The following COL2A1 variants were observed in gnomAD, a reference collection of about 807,000 sequenced individuals.
COL2A1 encodes collagen type II alpha 1 chain, also known as collagen alpha-1(II) chain.
COL2A1 carries 28 observed loss-of-function variants against 204.5 expected under a neutral mutation model. The ratio of observed to expected loss-of-function variants is 0.14; its 90% confidence interval spans 0.10 to 0.19. The LOEUF (loss-of-function observed/expected upper bound fraction) is 0.19, where lower values mean the gene tolerates loss of function less well. COL2A1 is among the 10% of genes least tolerant of loss of function. COL2A1 has a pLI of 1.00. For synonymous variants in COL2A1, 708 were observed against 718.7 expected, an observed-to-expected ratio of 0.99 and a Z score of 0.24; for missense variants, 1,388 against 2,027.5, an observed-to-expected ratio of 0.68 and a Z score of 6.06.
chr12:48,005,245 G>T (rs3809324), upstream of COL2A1: 26,764 of 153,002 alleles, frequency 0.17, 2,790 homozygotes, highest in East Asian at 0.31. Flanking sequence ...GGTGTGGGGG[G>T]CAGGGGCAGG....
chr12:47,982,294 G>A (rs1939136271), intron 34 of COL2A1, 134 bp from the exon 35 acceptor site: 13 of 868,538 alleles, frequency 1.5e-5, no homozygotes, highest in Non-Finnish European at 2.5e-5. Context: ...TCTCAGGGTG[G>A]GTGAGGAGCA....
chr12:47,999,753 T>C, intron 2 of COL2A1, 166 bp downstream of exon 2: 1 of 629,186 alleles, frequency 1.6e-6, no homozygotes, highest in Non-Finnish European at 2.8e-6. Context: ...GTTCACTCAG[T>C]TTCAACCTGC....
chr12:47,992,873 C>T lies in COL2A1; in HGVS notation c.1023+5G>A. Reference sequence around the variant, plus strand: ...TGGTGGTGTTTGGCTTTGTCAATTACTCACCGCAGCGCCAGCAGGGCCAGT... The same window carrying T: ...TGGTGGTGTTTGGCTTTGTCAATTATTCACCGCAGCGCCAGCAGGGCCAGT... On this transcript the variant is annotated splice_donor_5th_base_variant and intron_variant, in intron 16 of 53. Coordinates refer to ENST00000380518, the MANE Select transcript of COL2A1 (RefSeq NM_001844.5). The T allele has an allele frequency of 6.2e-7, 1 of 1,614,168 alleles. No individual in the cohort carries two copies. The highest frequency in any genetic ancestry group is 8.5e-7 in the Non-Finnish European group (1 of 1,179,986).
In COL2A1 at chr12:47,976,963, A is replaced by C. The variant is rs1938741236; in HGVS notation, c.3328-44T>G. ...CCGATTGAGTCAGGTCAGGGCCAGG[A>C]CAGGAGCCCCCTCCTGTCCCACCCA... On this transcript the variant is annotated intron_variant, in intron 47 of 53. Transcript: ENST00000380518. The surrounding 1 kb of genome is among the most constrained non-coding windows in gnomAD (Gnocchi z 4.3). 1.3e-6 allele frequency: 2 copies of C among 1,554,008 alleles called. No individual in the cohort carries two copies. The highest frequency in any genetic ancestry group is 1.8e-6 in the Non-Finnish European group (2 of 1,140,802).
In COL2A1 at chr12:48,004,365, A is replaced by G. The variant is rs904417360; in HGVS notation, c.-44T>C. ...GCTGAGCCGGGCCCGGGCGGAGCGCAGCGAAACGGCAGGAGCACGGCGCGG... is the reference window on the plus strand; with the variant it reads ...GCTGAGCCGGGCCCGGGCGGAGCGCGGCGAAACGGCAGGAGCACGGCGCGG... On this transcript the variant is annotated 5_prime_UTR_variant, in exon 1 of 54. Coordinates refer to ENST00000380518, the MANE Select transcript of COL2A1 (RefSeq NM_001844.5). The G allele has an allele frequency of 8.7e-6, 11 of 1,270,548 alleles. No homozygotes were observed. The highest frequency in any genetic ancestry group is 1.2e-5 in the Non-Finnish European group (11 of 895,606). The allele number at this position is 1,270,548 out of a possible 1,614,324, so 78.7% of individuals were successfully genotyped here. A position where few individuals can be genotyped will look rare whatever the true frequency, so the allele number is the denominator to read the frequency against.
rs781045497 is a variant in COL2A1, at chr12:47,978,587, A to G, written c.2895+10T>C. ...CAGGGACCTTGGCATGGGCCTGGTG[A>G]GGGACTTACAGAGGGACCGTCATCT... On this transcript the variant is annotated intron_variant, in intron 42 of 53. Coordinates refer to ENST00000380518, the MANE Select transcript of COL2A1 (RefSeq NM_001844.5). The surrounding 1 kb of genome is among the most constrained non-coding windows in gnomAD (Gnocchi z 5.5). The G allele has an allele frequency of 2.5e-6, 4 of 1,613,436 alleles. No individual in the cohort carries two copies. In the Admixed American group the frequency reaches 6.7e-5, roughly 27 times the overall value.
Position 47,974,711 on chromosome 12 carries a change from G to A in COL2A1, c.4038C>T (p.His1346=). ...WWSSKSKEKK[H]IWFGETINGG... ...CATTGATGGTTTCTCCAAACCAGAT[G>A]TGTTTCTTCTCCTTGCTCTTGCTGC... is the stretch of plus-strand genomic sequence containing the variant. Residue 1346 remains histidine (H), a synonymous_variant, in exon 52 of 54, where the codon CAC becomes CAT. Coordinates refer to ENST00000380518, the MANE Select transcript of COL2A1 (RefSeq NM_001844.5). 6.2e-7 allele frequency: 1 copy of A among 1,614,234 alleles called. No homozygotes were observed. Among genetic ancestry groups the A allele is most frequent in the Non-Finnish European group, 8.5e-7 (1 of 1,180,042 alleles).
At chr12:48,002,289 C>T (rs919490117) in intron 1 of COL2A1, among the ~76,000 whole-genome samples, 5 of 152,148 alleles carry the variant, frequency 3.3e-5, no homozygotes, top group African/African-American at 1.2e-4. Context: ...GTCAAAGACG[C>T]CGCCGCCAGT....
intron 26 of COL2A1, 146 bp from the exon 27 acceptor site, chr12:47,985,239 G>A: frequency 1.4e-6 from 1 of 740,458 alleles, no homozygotes; most frequent in East Asian, 2.7e-5. Flanking sequence ...TCACACCCAT[G>A]GGCCCATCTA....
chr12:47,982,731 C>T, intron 33 of COL2A1, 117 bp downstream of exon 33: 2 of 1,261,404 alleles, frequency 1.6e-6, no homozygotes, highest in South Asian at 2.4e-5. Context: ...ATGTAGACCT[C>T]CTTTCCAGCT....
Position 47,979,457 on chromosome 12 carries a change from G to A in COL2A1, c.2733+54C>T. 15 of 1,587,192 alleles carry A rather than the reference G, an allele frequency of 9.5e-6. No individual in the cohort carries two copies. In the South Asian group the frequency reaches 1.5e-4, roughly 16 times the overall value. ...AGCTCTCCAGACCCTGTTGGGTGCT[G>A]GGCCAGGCTATTCCATGCCTGCCTG... On this transcript the variant is annotated intron_variant, in intron 41 of 53. Transcript: ENST00000380518.
At position 47,974,271 on chromosome 12, in the gene COL2A1, G is replaced by A. The variant is rs141951587; in HGVS notation, c.4135C>T (p.Arg1379Cys). 35 of 1,614,078 alleles carry A rather than the reference G, an allele frequency of 2.2e-5. No individual in the cohort carries two copies. Among genetic ancestry groups the A allele is most frequent in the South Asian group, 1.3e-4 (12 of 91,092 alleles). ...NTANVQMTFL[R>C]LLSTEGSQNI... Reference sequence around the variant, plus strand: ...TGGGAGCCTTCCGTGGACAGCAGGCGTAGGAAGGTCATCTGGACGTTGGCA... The same window carrying A: ...TGGGAGCCTTCCGTGGACAGCAGGCATAGGAAGGTCATCTGGACGTTGGCA... The change falls in exon 53 of 54, where the codon CGC (arginine) becomes TGC (cysteine). Residue 1379 changes from arginine to cysteine, a missense_variant. Physicochemically the swap from Arg to Cys is radical, Grantham distance 180. Coordinates refer to ENST00000380518, the MANE Select transcript of COL2A1 (RefSeq NM_001844.5).
rs1670480032 is a variant in COL2A1 at position 47,994,021 on chromosome 12, T to C, written c.843A>G (p.Pro281=). 6.2e-7 allele frequency: 1 copy of C among 1,614,118 alleles called. No homozygotes were observed. The highest frequency in any genetic ancestry group is 1.3e-5 in the African/African-American group (1 of 75,050). ...TGTGACCTTTGACACCAGGAAGGCC[T>C]GGGGTTCCTGGGAAACCACGAGCAC... is the stretch of plus-strand genomic sequence containing the variant. The part of the protein sequence containing the change: ...PQGARGFPGT[P]GLPGVKGHRG... The change falls in exon 13 of 54, where the codon CCA becomes CCG. Residue 281 remains proline (P), a synonymous_variant. Coordinates refer to ENST00000380518, the MANE Select transcript of COL2A1 (RefSeq NM_001844.5).
At position 47,981,236 on chromosome 12, in the gene COL2A1, GGC is replaced by G. The variant is rs1939063027; in HGVS notation, c.2463+105_2463+106del. 7 of 1,276,822 alleles carry G rather than the reference GGC, an allele frequency of 5.5e-6. No individual in the cohort carries two copies. The Admixed American group carries it at 1.2e-4, about 21-fold the overall frequency. 79.1% of individuals were successfully genotyped at this position (1,276,822 alleles called of 1,614,324 possible). ...GCGGGTAGGGAGGGAGCCAGTGCCT[GGC>G]AGCACACAGGGCCACCAGGCAGCAT... On this transcript the variant is annotated intron_variant, in intron 37 of 53. Coordinates refer to ENST00000380518, the MANE Select transcript of COL2A1 (RefSeq NM_001844.5).
At chr12:47,984,401 G>C (rs1406850054) in intron 28 of COL2A1, 145 bp downstream of exon 28, 1 of 897,936 alleles carries the variant, frequency 1.1e-6, no homozygotes, top group African/African-American at 1.6e-5. Context: ...CACCCAAAGG[G>C]CCCAGCCAGC....
rs765321802 is a variant in COL2A1, at chr12:47,993,444, G to T, written c.969+14C>A. On this transcript the variant is annotated intron_variant, in intron 15 of 53. Transcript: ENST00000380518. ...AGTCTTTGATAAACCTTCCTGGAGG[G>T]TGTCCATACTTACCATTGGGCCCGG... is the stretch of plus-strand genomic sequence containing the variant. 7 of 1,602,610 alleles carry T rather than the reference G, an allele frequency of 4.4e-6. No individual in the cohort carries two copies. The East Asian group carries it at 1.3e-4, about 31-fold the overall frequency.
Position 47,997,877 on chromosome 12 carries a change from A to C in COL2A1, c.423T>G (p.Gly141=), listed in dbSNP as rs1381409339. Residue 141 remains glycine, a synonymous_variant, in exon 6 of 54, where the codon GGT becomes GGG. Coordinates refer to ENST00000380518, the MANE Select transcript of COL2A1 (RefSeq NM_001844.5). ...AGCATTGCTTTTTACTCACTTTTTC[A>C]CCTTTGTCACCACGATCCCCTCTGG... ...QGPRGDRGDK[G]EKGAPGPRGR... 1.9e-6 allele frequency: 3 copies of C among 1,613,788 alleles called. No individual in the cohort carries two copies. The highest frequency in any genetic ancestry group is 3.3e-5 in the Admixed American group (2 of 59,994).
At chr12:47,982,357 C>G in intron 34 of COL2A1, 145 bp downstream of exon 34, 1 of 806,168 alleles carries the variant, frequency 1.2e-6, no homozygotes, top group Non-Finnish European at 2.1e-6. Flanking sequence ...AGGCAGGGAG[C>G]TTTGGAAAGG....
chr12:47,999,324 A>G lies in COL2A1; in HGVS notation c.292+595T>C, dbSNP rs546836020. Among the ~76,000 whole-genome samples, 571 of 152,316 alleles carry G rather than the reference A, an allele frequency of 3.7e-3. 2 individuals carry two copies. Among genetic ancestry groups the G allele is most frequent in the Non-Finnish European group, 6.9e-3 (468 of 68,016 alleles). The stretch of plus-strand genomic sequence containing the variant: ...GGCTCTGTCTCCACCCGTCCCCACG[A>G]GAACTCCCAAAGCCTAGCCCTTCCC... On this transcript the variant is annotated intron_variant, in intron 2 of 53. Transcript: ENST00000380518.
Sources: allele counts gnomAD v4.1 joint callset (sites outside exome capture counted in the v4.1 genomes callset), GRCh38; gene constraint gnomAD v4.1.1; non-coding constraint Gnocchi (gnomAD v3.1); transcripts MANE v1.5; gene names NCBI Gene and HGNC (gene_info 2026-07-23, HGNC 2026-07-21).